QTRT2: variants seen among roughly 807,000 people sequenced by gnomAD.
QTRT2 encodes the protein queuine tRNA-ribosyltransferase domain containing 1.
A neutral mutation model predicts 44.8 loss-of-function variants in QTRT2; 32 were observed. That is an observed-to-expected ratio of 0.71 (90% confidence interval 0.54 to 0.96). The LOEUF (loss-of-function observed/expected upper bound fraction) is 0.96, where lower values mean the gene tolerates loss of function less well. Ranked by LOEUF, QTRT2 falls within the 40% of genes least tolerant of loss-of-function variation. The pLI, the probability that QTRT2 is intolerant of heterozygous loss-of-function variation, is 0.00. For synonymous variants in QTRT2, 182 were observed against 187.4 expected (o/e 0.97, Z 0.24); for missense variants, 461 against 503.1 (o/e 0.92, Z 0.80).
rs1213193327 is a variant in QTRT2 at position 114,087,170 on chromosome 3, G to A, written c.*1266G>A. On this transcript the variant is annotated 3_prime_UTR_variant, in exon 10 of 10. Coordinates refer to ENST00000281273, the MANE Select transcript of QTRT2 (RefSeq NM_024638.4). ...CAAACAGCAATAACAAAACCAAAAAGATGCCCCTTTTTTTGTAGGGATAAG... is the reference window on the plus strand; with the variant it reads ...CAAACAGCAATAACAAAACCAAAAAAATGCCCCTTTTTTTGTAGGGATAAG... 3 of 152,122 alleles carry A rather than the reference G, an allele frequency of 2.0e-5. No individual in the cohort carries two copies. Among genetic ancestry groups the A allele is most frequent in the African/African-American group, 7.2e-5 (3 of 41,432 alleles). The allele number at this position is 152,122 out of a possible 1,614,324, so 9.4% of individuals were successfully genotyped here.
At position 114,085,901 on chromosome 3, in the gene QTRT2, T is replaced by C. The variant is rs773067959; in HGVS notation, c.1245T>C (p.Ser415=). 1.9e-6 allele frequency: 3 copies of C among 1,610,680 alleles called. No homozygotes were observed. The highest frequency in any genetic ancestry group is 1.3e-5 in the African/African-American group (1 of 74,956). Reference sequence around the variant, plus strand: ...AAGAGCTCATCCACAGGCAAGCATCTTGAGATCTTGCAAATACAAGTCTCA... The same window carrying C: ...AAGAGCTCATCCACAGGCAAGCATCCTGAGATCTTGCAAATACAAGTCTCA... ...QLKELIHRQA[S] is the part of the protein sequence containing the mutation. Residue 415 remains serine (S), a synonymous_variant, in exon 10 of 10, where the codon TCT becomes TCC. Coordinates refer to ENST00000281273, the MANE Select transcript of QTRT2 (RefSeq NM_024638.4).
chr3:114,060,503 GATAGATAGATAGA>G (rs766652214), intron 2 of QTRT2, among the ~76,000 whole-genome samples: 217 of 72,580 alleles, frequency 3.0e-3, no homozygotes, highest in Admixed American at 5.2e-3. Context: ...TAGGTAGATA[GATAGATAGATAGA>G]TAGATAGATA....
In QTRT2 at chr3:114,086,201, G is replaced by T; in HGVS notation, c.*297G>T. The T allele has an allele frequency of 5.7e-6, 2 of 353,856 alleles. No homozygotes were observed. The highest frequency in any genetic ancestry group is 7.9e-5 in the Admixed American group (2 of 25,464). The allele number at this position is 353,856 out of a possible 1,614,324, so 21.9% of individuals were successfully genotyped here. On this transcript the variant is annotated 3_prime_UTR_variant, in exon 10 of 10. Transcript: ENST00000281273. ...AAAGACAAAAGCTTTAACTGTGAGG[G>T]CACAGCCTTGAAGTGGGAGTGATGA...
At chr3:114,068,112 C>T (rs772260159) in intron 5 of QTRT2, 49 bp downstream of exon 5, 6 of 1,477,712 alleles carry the variant, frequency 4.1e-6, no homozygotes, top group Non-Finnish European at 5.7e-6. Flanking sequence ...CCCAGGAAGT[C>T]AGCCTATGGT....
chr3:114,058,730 C>G (rs752472794), intron 2 of QTRT2, among the ~76,000 whole-genome samples: 1 of 152,136 alleles, frequency 6.6e-6, no homozygotes, highest in Non-Finnish European at 1.5e-5. Flanking sequence ...ACGGTTTCAC[C>G]ATGTTGGCCT....
At chr3:114,072,329 T>C (rs1192894386) in intron 6 of QTRT2, among the ~76,000 whole-genome samples, 1 of 152,118 alleles carries the variant, frequency 6.6e-6, no homozygotes, top group Non-Finnish European at 1.5e-5. Context: ...ATTTTTGTAT[T>C]TTTAGCTGAG....
Position 114,085,909 on chromosome 3 carries a change from T to C in QTRT2, c.*5T>C, listed in dbSNP as rs2077231316. On this transcript the variant is annotated 3_prime_UTR_variant, in exon 10 of 10. Transcript: ENST00000281273. ...ATCCACAGGCAAGCATCTTGAGATC[T>C]TGCAAATACAAGTCTCACTCTTCAC... 1.1e-5 allele frequency: 18 copies of C among 1,607,054 alleles called. No homozygotes were observed. The highest frequency in any genetic ancestry group is 1.5e-5 in the Non-Finnish European group (18 of 1,173,618).
intron 2 of QTRT2, among the ~76,000 whole-genome samples, chr3:114,060,151 A>G (rs2076862332): frequency 6.6e-6 from 1 of 152,100 alleles, no homozygotes; most frequent in Non-Finnish European, 1.5e-5. Flanking sequence ...ATGAGAAAGA[A>G]GAGAGAAGAT....
chr3:114,066,187 G>T, intron 3 of QTRT2, 41 bp from the exon 4 acceptor site: 1 of 1,412,796 alleles, frequency 7.1e-7, no homozygotes, highest in South Asian at 1.2e-5. Flanking sequence ...TTTACAGAAT[G>T]ACACATTATT....
chr3:114,084,279 G>A (rs1018375403), intron 9 of QTRT2, among the ~76,000 whole-genome samples: 2 of 151,944 alleles, frequency 1.3e-5, no homozygotes, highest in African/African-American at 4.8e-5. Flanking sequence ...GCCAGGCAGG[G>A]CTTGAACTCC....
chr3:114,078,482 G>T (rs1002381926), intron 7 of QTRT2: 8 of 150,276 alleles, frequency 5.3e-5, no homozygotes, highest in African/African-American at 1.7e-4. Context: ...TTCATAGAAA[G>T]GGGCTATAGG....
At chr3:114,066,374 T>C in intron 4 of QTRT2, 91 bp downstream of exon 4, 1 of 741,376 alleles carries the variant, frequency 1.3e-6, no homozygotes, top group South Asian at 1.6e-5. Context: ...TTCATATGTT[T>C]GTTTATTCAT....
rs755063518 is a variant in QTRT2, at chr3:114,065,279, G to A, written c.22G>A (p.Val8Ile). The part of the protein sequence containing the change: MKLSLTK[V>I]VNGCRLGKIK... ...TAGGATGAAGCTGAGTCTTACCAAGGTAGTTAATGGCTGTCGCCTAGGAAA... is the reference window on the plus strand; with the variant it reads ...TAGGATGAAGCTGAGTCTTACCAAGATAGTTAATGGCTGTCGCCTAGGAAA... Residue 8 changes from valine to isoleucine, a missense_variant, in exon 3 of 10, where the codon GTA (valine) becomes ATA (isoleucine). Physicochemically the swap from Val to Ile is conservative, Grantham distance 29. Coordinates refer to ENST00000281273, the MANE Select transcript of QTRT2 (RefSeq NM_024638.4). 6.2e-7 allele frequency: 1 copy of A among 1,614,056 alleles called. No homozygotes were observed. The highest frequency in any genetic ancestry group is 2.2e-5 in the East Asian group (1 of 44,870).
intron 8 of QTRT2, 99 bp downstream of exon 8, chr3:114,080,156 A>T: frequency 1.1e-6 from 1 of 944,686 alleles, no homozygotes. Context: ...ATATAAAGCC[A>T]GTCTTTTACA....
At chr3:114,070,075 C>G (rs558511739) in intron 5 of QTRT2, among the ~76,000 whole-genome samples, 2 of 152,042 alleles carry the variant, frequency 1.3e-5, no homozygotes, top group Non-Finnish European at 1.5e-5. Flanking sequence ...GTTTGGAGAT[C>G]AGATTAATAT....
chr3:114,064,090 C>G (rs1422140875), intron 2 of QTRT2, among the ~76,000 whole-genome samples: 2 of 151,964 alleles, frequency 1.3e-5, no homozygotes, highest in Non-Finnish European at 2.9e-5. Flanking sequence ...CGGCACACAC[C>G]TGTAATCTCA....
rs1282617444 is a variant in QTRT2, at chr3:114,056,860, G to A, written c.-134G>A. 1 of 1,535,922 alleles carries A rather than the reference G, an allele frequency of 6.5e-7. No individual in the cohort carries two copies. Among genetic ancestry groups the A allele is most frequent in the East Asian group, 2.4e-5 (1 of 40,918 alleles). ...GACTGAAAGAGTCGAATGGTTTGTT[G>A]GCAGGTAAGTGCCCCTTTGCCCTGC... On this transcript the variant is annotated 5_prime_UTR_variant, in exon 1 of 10. It introduces an in-frame stop codon into an upstream open reading frame of the 5' UTR. Transcript: ENST00000281273.
In QTRT2 at chr3:114,087,311, CCA is replaced by C. The variant is rs2077249116; in HGVS notation, c.*1408_*1409del. Reference sequence around the variant, plus strand: ...GCTGTATGTTTTATGTGTTGGGAGCCCATTGTATTAGGCCGTTCTTGGATTGC... The same window carrying C: ...GCTGTATGTTTTATGTGTTGGGAGCCTTGTATTAGGCCGTTCTTGGATTGC... On this transcript the variant is annotated 3_prime_UTR_variant, in exon 10 of 10. Transcript: ENST00000281273. 1.3e-5 allele frequency: 2 copies of C among 152,148 alleles called. No homozygotes were observed. Among genetic ancestry groups the C allele is most frequent in the African/African-American group, 4.8e-5 (2 of 41,504 alleles). 9.4% of individuals were successfully genotyped at this position (152,148 alleles called of 1,614,324 possible).
chr3:114,084,847 A>T (rs2077215067), intron 9 of QTRT2, among the ~76,000 whole-genome samples: 1 of 152,174 alleles, frequency 6.6e-6, no homozygotes, highest in African/African-American at 2.4e-5. Flanking sequence ...AGTTATCTTC[A>T]TCTGTAGAAT....
Sources: gnomAD v4.1 joint callset for allele counts (sites outside exome capture counted in the v4.1 genomes callset) on GRCh38, gnomAD v4.1.1 for gene constraint, MANE v1.5 for transcripts, NCBI Gene and HGNC (gene_info 2026-07-23, HGNC 2026-07-21) for gene names.